FRAS1: variants seen among roughly 807,000 people sequenced by gnomAD.
The protein encoded by FRAS1 is Fraser extracellular matrix complex subunit 1, also known as extracellular matrix organizing protein FRAS1.
In FRAS1, 290 loss-of-function variants were observed where a neutral mutation model predicts 435.2. The ratio of observed to expected loss-of-function variants is 0.67; its 90% CI spans 0.61 to 0.73. The LOEUF (loss-of-function observed/expected upper bound fraction) is 0.73, where lower values mean the gene tolerates loss of function less well. Ranked by LOEUF, FRAS1 falls within the 30% of genes least tolerant of loss-of-function variation. The probability of loss-of-function intolerance (pLI) is 0.00; values close to 1 mark genes in which losing one functional copy is unlikely to be tolerated. For missense variants in FRAS1, 4,860 were observed against 5,001.5 expected, an observed-to-expected ratio of 0.97 and a Z score of 0.85; for synonymous variants, 1,800 against 1,851.0, an observed-to-expected ratio of 0.97 and a Z score of 0.71.
In FRAS1 at chr4:78,448,087, T is replaced by C; in HGVS notation, c.6045T>C (p.Pro2015=). 4.3e-6 allele frequency: 7 copies of C among 1,612,842 alleles called. No homozygotes were observed. Among genetic ancestry groups the C allele is most frequent in the Non-Finnish European group, 5.9e-6 (7 of 1,179,442 alleles). The change falls in exon 44 of 74, where the codon CCT becomes CCC. Residue 2015 remains proline (P), a synonymous_variant. Transcript: ENST00000512123. ...TCTGGAGGCAAACTGCTTCTGAGCC[T>C]CTGGAGAATGGGAGAGTTTTAGTCC... ...HVLWRQTASE[P]LENGRVLVQG... is the part of the protein sequence containing the mutation.
chr4:78,194,129 G>T (rs1722687110), intron 2 of FRAS1, among the ~76,000 whole-genome samples: 1 of 152,174 alleles, frequency 6.6e-6, no homozygotes, highest in Non-Finnish European at 1.5e-5. Flanking sequence ...TAGAGTTTCT[G>T]CCGAGAGATC....
intron 2 of FRAS1, among the ~76,000 whole-genome samples, chr4:78,139,388 A>T (rs1406027186): frequency 6.6e-6 from 1 of 152,214 alleles, no homozygotes; most frequent in African/African-American, 2.4e-5. Flanking sequence ...TTTTTCTCCA[A>T]TGTTATATTT....
At chr4:78,290,464 T>TC (rs1578231577) in intron 14 of FRAS1, among the ~76,000 whole-genome samples, 10 of 145,436 alleles carry the variant, frequency 6.9e-5, no homozygotes, top group South Asian at 4.2e-4. Flanking sequence ...TTTCTTTCTT[T>TC]TTTTTTTTTT....
chr4:78,302,994 T>G (rs1039244290), intron 14 of FRAS1, among the ~76,000 whole-genome samples: 3 of 152,192 alleles, frequency 2.0e-5, no homozygotes, highest in South Asian at 2.1e-4. Flanking sequence ...GTTTTAGGAC[T>G]AACGTTTAAG....
At chr4:78,519,530 A>G (rs1721323311) in intron 67 of FRAS1, 49 bp downstream of exon 67, 1 of 1,574,774 alleles carries the variant, frequency 6.4e-7, no homozygotes, top group Non-Finnish European at 8.6e-7. Context: ...GCTTCACTCA[A>G]GCAAGATTAA....
chr4:78,391,623 C>G (rs1051877738), intron 29 of FRAS1, among the ~76,000 whole-genome samples: 2 of 152,092 alleles, frequency 1.3e-5, no homozygotes, highest in African/African-American at 4.8e-5. Flanking sequence ...GGCAATACAT[C>G]TGATGATCTT....
rs200050334 is a variant in FRAS1, at chr4:78,423,327, C to T, written c.4679-1061C>T. Among the ~76,000 whole-genome samples, 34 of 152,062 alleles carry T rather than the reference C, an allele frequency of 2.2e-4. No individual in the cohort carries two copies. In the East Asian group the frequency reaches 2.5e-3, roughly 11 times the overall value. On this transcript the variant is annotated intron_variant, in intron 34 of 73. Transcript: ENST00000512123. ...GATTACAGATGGGTGCCACCACACC[C>T]GGCTAAGTTTTGTATTTTTAGTAGA...
chr4:78,167,666 T>C (rs1721389038), intron 2 of FRAS1, among the ~76,000 whole-genome samples: 1 of 151,998 alleles, frequency 6.6e-6, no homozygotes, highest in Admixed American at 6.6e-5. Flanking sequence ...ATTTTAGAGA[T>C]AGGAAAACTG....
intron 20 of FRAS1, among the ~76,000 whole-genome samples, chr4:78,344,228 T>A (rs1307137845): frequency 6.6e-6 from 1 of 152,108 alleles, no homozygotes; most frequent in African/African-American, 2.4e-5. Flanking sequence ...CTGTGAGTGA[T>A]CTTTTCATGG....
intron 2 of FRAS1, among the ~76,000 whole-genome samples, chr4:78,172,078 C>T (rs1191190387): frequency 2.0e-5 from 3 of 152,102 alleles, no homozygotes; most frequent in African/African-American, 7.2e-5. Flanking sequence ...TGATCTCCTG[C>T]TCCCTCTGAC....
At chr4:78,075,131 T>A (rs1479309106) in intron 2 of FRAS1, among the ~76,000 whole-genome samples, 4 of 152,196 alleles carry the variant, frequency 2.6e-5, no homozygotes, top group African/African-American at 9.6e-5. Flanking sequence ...ATCCTGGGGA[T>A]AAGAAAGGCC....
chr4:78,071,931 A>C (rs1018785910), intron 2 of FRAS1: 1 of 152,148 alleles, frequency 6.6e-6, no homozygotes, highest in African/African-American at 2.4e-5. Context: ...ATAGTACCTA[A>C]GTTTGCTGTT....
chr4:78,528,250 A>G (rs1721604214), intron 70 of FRAS1, among the ~76,000 whole-genome samples: 1 of 152,166 alleles, frequency 6.6e-6, no homozygotes, highest in Non-Finnish European at 1.5e-5. Context: ...CTGCTTTTAA[A>G]TTGTCATATT....
intron 65 of FRAS1, among the ~76,000 whole-genome samples, chr4:78,514,270 C>T (rs1490704080): frequency 3.9e-5 from 6 of 152,232 alleles, no homozygotes; most frequent in Non-Finnish European, 8.8e-5. Flanking sequence ...ATGCAGCTGA[C>T]GCAGAGCTGA....
At chr4:78,418,506 A>G (rs559195140) in intron 32 of FRAS1, among the ~76,000 whole-genome samples, 2 of 152,346 alleles carry the variant, frequency 1.3e-5, no homozygotes, top group African/African-American at 2.4e-5. Context: ...AGCTATGACC[A>G]CTGCACTCCA....
At chr4:78,086,066 A>G (rs1345923832) in intron 2 of FRAS1, among the ~76,000 whole-genome samples, 2 of 152,212 alleles carry the variant, frequency 1.3e-5, no homozygotes, top group Non-Finnish European at 2.9e-5. Flanking sequence ...AGAAATGATA[A>G]CAAACTGTCT....
intron 2 of FRAS1, among the ~76,000 whole-genome samples, chr4:78,204,335 T>C (rs1723165218): frequency 6.6e-6 from 1 of 152,214 alleles, no homozygotes; most frequent in African/African-American, 2.4e-5. Flanking sequence ...GCTAAACATC[T>C]GTACAATGGA....
intron 2 of FRAS1, among the ~76,000 whole-genome samples, chr4:78,189,551 C>T (rs894812146): frequency 6.6e-6 from 1 of 152,186 alleles, no homozygotes; most frequent in African/African-American, 2.4e-5. Context: ...TTTGCTGGAT[C>T]TTTCTCCTTT....
At chr4:78,375,906 G>A (rs1344133626) in intron 26 of FRAS1, 27 bp downstream of exon 26, 1 of 1,612,320 alleles carries the variant, frequency 6.2e-7, no homozygotes, top group African/African-American at 1.3e-5. Context: ...AGATGGTCTG[G>A]TGAATTTACC....
Sources: gnomAD v4.1 joint callset for allele counts (sites outside exome capture counted in the v4.1 genomes callset) on GRCh38, gnomAD v4.1.1 for gene constraint, MANE v1.5 for transcripts, NCBI Gene and HGNC (gene_info 2026-07-23, HGNC 2026-07-21) for gene names.